The following MAPK4 variants were observed in gnomAD, a reference collection of about 807,000 sequenced individuals.
MAPK4 encodes the protein mitogen-activated protein kinase 4.
A neutral mutation model predicts 47.7 loss-of-function variants in MAPK4; 22 were observed. The ratio of observed to expected loss-of-function variants is 0.46; its 90% CI spans 0.33 to 0.66. The LOEUF is 0.66. Ranked by LOEUF, MAPK4 falls within the 30% of genes least tolerant of loss-of-function variation. MAPK4 has a pLI of 0.02. For missense variants in MAPK4, 736 were observed against 831.7 expected, an observed-to-expected ratio of 0.88 and a Z score of 1.42; for synonymous variants, 390 against 365.7, an observed-to-expected ratio of 1.07 and a Z score of -0.76.
Position 50,730,215 on chromosome 18 carries a change from T to G in MAPK4, c.*361T>G. On this transcript the variant is annotated 3_prime_UTR_variant, in exon 6 of 6. Coordinates refer to ENST00000400384, the MANE Select transcript of MAPK4 (RefSeq NM_002747.4). Reference sequence around the variant, plus strand: ...TAGCTCCGAAACCATCTGGCCCAACTAGCCTCAACTGACAGCTGAGGAAAG... The same window carrying G: ...TAGCTCCGAAACCATCTGGCCCAACGAGCCTCAACTGACAGCTGAGGAAAG... 5.6e-6 allele frequency: 1 copy of G among 178,334 alleles called. No individual in the cohort carries two copies. Among genetic ancestry groups the G allele is most frequent in the Non-Finnish European group, 1.2e-5 (1 of 84,964 alleles). 11.0% of individuals were successfully genotyped at this position (178,334 alleles called of 1,614,324 possible). A position where few individuals can be genotyped will look rare whatever the true frequency, so the allele number is the denominator to read the frequency against.
At chr18:50,699,699 G>A (rs1909683232) in intron 2 of MAPK4, among the ~76,000 whole-genome samples, 1 of 152,150 alleles carries the variant, frequency 6.6e-6, no homozygotes. Flanking sequence ...CCACAAGCCC[G>A]GGGGTCCCTA....
chr18:50,627,605 A>G (rs2042790547), intron 1 of MAPK4, among the ~76,000 whole-genome samples: 1 of 152,178 alleles, frequency 6.6e-6, no homozygotes, highest in South Asian at 2.1e-4. Context: ...GCCTGCATTT[A>G]GCTCTTACAG....
rs985643323 is a variant in MAPK4, at chr18:50,674,888, CT to C, written c.546+10385del. ...TAATTGGCTAATGAACAAGCCAAGC[CT>C]CTGCCTTTCTATTGAATAAGCATGG... On this transcript the variant is annotated intron_variant, in intron 2 of 5. Coordinates refer to ENST00000400384, the MANE Select transcript of MAPK4 (RefSeq NM_002747.4). 7.5e-4 allele frequency among the ~76,000 whole-genome samples: 114 copies of C among 152,284 alleles called. 1 individual carries two copies. The highest frequency in any genetic ancestry group is 2.7e-3 in the African/African-American group (112 of 41,544).
intron 1 of MAPK4, among the ~76,000 whole-genome samples, chr18:50,649,972 G>C (rs2043030927): frequency 2.6e-5 from 4 of 152,164 alleles, no homozygotes; most frequent in Admixed American, 2.6e-4. Flanking sequence ...CAAGTGTGTT[G>C]GCTGGGGCCC....
intron 1 of MAPK4, among the ~76,000 whole-genome samples, chr18:50,648,642 C>A (rs906015759): frequency 6.6e-6 from 1 of 152,110 alleles, no homozygotes. Context: ...TTCTCACACC[C>A]AGCTGCTGCA....
At chr18:50,717,592 A>G (rs906438478) in intron 3 of MAPK4, among the ~76,000 whole-genome samples, 1 of 152,090 alleles carries the variant, frequency 6.6e-6, no homozygotes, top group African/African-American at 2.4e-5. Flanking sequence ...ACAAAATATA[A>G]GACAGCAGTG....
chr18:50,623,788 C>G (rs563965305), intron 1 of MAPK4, among the ~76,000 whole-genome samples: 3 of 152,348 alleles, frequency 2.0e-5, no homozygotes, highest in East Asian at 1.9e-4. Flanking sequence ...AACCTCTTAC[C>G]GTTTTAACAT....
chr18:50,665,625 C>T (rs1228930203), intron 2 of MAPK4, among the ~76,000 whole-genome samples: 1 of 152,200 alleles, frequency 6.6e-6, no homozygotes, highest in Admixed American at 6.5e-5. Context: ...GATCTGCCCT[C>T]TACAGCTGCA....
chr18:50,577,734 T>G (rs1361032079), intron 1 of MAPK4, among the ~76,000 whole-genome samples: 1 of 152,218 alleles, frequency 6.6e-6, no homozygotes, highest in African/African-American at 2.4e-5. Context: ...GAATATGTTA[T>G]GCTGTGATTT....
At chr18:50,639,688 C>T (rs73959985) in intron 1 of MAPK4, among the ~76,000 whole-genome samples, 46,950 of 152,048 alleles carry the variant, frequency 0.31, 7,729 homozygotes, top group East Asian at 0.48. Context: ...ACATCATGCA[C>T]GTTTTCCGAT....
In MAPK4 at chr18:50,664,267, C is replaced by T. The variant is rs377215882; in HGVS notation, c.309C>T (p.Ile103=). The change falls in exon 2 of 6, where the codon ATC becomes ATT. Residue 103 remains isoleucine, a synonymous_variant. Transcript: ENST00000400384. The surrounding 1 kb of genome is among the most constrained non-coding windows in gnomAD (Gnocchi z 6.0). ...TGTTCAAGTTCAGCGTGGCGTACATCGTCCAGGAGTACATGGAGACCGACC... is the reference window on the plus strand; with the variant it reads ...TGTTCAAGTTCAGCGTGGCGTACATTGTCCAGGAGTACATGGAGACCGACC... ...GELFKFSVAY[I]VQEYMETDLA... 41 of 1,613,516 alleles carry T rather than the reference C, an allele frequency of 2.5e-5. No homozygotes were observed. In the Admixed American group the frequency reaches 3.5e-4, roughly 14 times the overall value.
At chr18:50,561,281 G>A (rs1212059842) in intron 1 of MAPK4, among the ~76,000 whole-genome samples, 3 of 152,222 alleles carry the variant, frequency 2.0e-5, no homozygotes, top group Non-Finnish European at 4.4e-5. Context: ...CCTGGGTTGA[G>A]GAGTGTCCAC....
At chr18:50,564,086 A>G (rs1039081890) in intron 1 of MAPK4, among the ~76,000 whole-genome samples, 1 of 152,186 alleles carries the variant, frequency 6.6e-6, no homozygotes, top group African/African-American at 2.4e-5. Flanking sequence ...TTGCAGTCCC[A>G]TGATTCTTGA....
chr18:50,701,314 G>A (rs1470172082), intron 2 of MAPK4, among the ~76,000 whole-genome samples: 1 of 152,082 alleles, frequency 6.6e-6, no homozygotes, highest in Non-Finnish European at 1.5e-5. Flanking sequence ...CCCTGGGAGG[G>A]ACCCTAACCT....
chr18:50,637,082 A>G (rs1334964681), intron 1 of MAPK4, among the ~76,000 whole-genome samples: 3 of 151,984 alleles, frequency 2.0e-5, no homozygotes, highest in African/African-American at 7.2e-5. Context: ...GAGCTCAGTT[A>G]CCTGGTTTCA....
intron 2 of MAPK4, among the ~76,000 whole-genome samples, chr18:50,665,900 C>A (rs572545415): frequency 4.1e-4 from 62 of 152,336 alleles, no homozygotes; most frequent in Non-Finnish European, 5.3e-4. Context: ...AAACAGTGCC[C>A]TTGTATCTCT....
chr18:50,697,600 G>T (rs1182578298), intron 2 of MAPK4, among the ~76,000 whole-genome samples: 1 of 152,206 alleles, frequency 6.6e-6, no homozygotes, highest in Non-Finnish European at 1.5e-5. Context: ...TTTTAGAGAA[G>T]GAGGCAGGTG....
intron 1 of MAPK4, among the ~76,000 whole-genome samples, chr18:50,637,640 G>T (rs967590821): frequency 3.3e-5 from 5 of 152,164 alleles, no homozygotes; most frequent in African/African-American, 9.7e-5. Flanking sequence ...TGTGTGCTGG[G>T]GTTGCTGTGA....
chr18:50,600,011 C>G (rs1167630224), intron 1 of MAPK4, among the ~76,000 whole-genome samples: 1 of 152,190 alleles, frequency 6.6e-6, no homozygotes, highest in Admixed American at 6.5e-5. Flanking sequence ...AAACCCCAGT[C>G]TCCTTATGAC....
Sources: gnomAD v4.1 joint callset for allele counts (sites outside exome capture counted in the v4.1 genomes callset) on GRCh38, gnomAD v4.1.1 for gene constraint, Gnocchi (gnomAD v3.1) non-coding constraint, MANE v1.5 for transcripts, NCBI Gene and HGNC (gene_info 2026-07-23, HGNC 2026-07-21) for gene names.